The following PRUNE2 variants were observed in gnomAD, a reference collection of about 807,000 sequenced individuals.
PRUNE2 encodes the protein prune homolog 2 with BCH domain, also known as protein prune homolog 2.
PRUNE2 carries 164 observed loss-of-function variants against 252.0 expected under a neutral mutation model. The observed-to-expected ratio is 0.65, with a 90% CI of 0.57 to 0.74. The LOEUF (loss-of-function observed/expected upper bound fraction) is 0.74. Ranked by LOEUF, PRUNE2 falls within the 30% of genes least tolerant of loss-of-function variation. The pLI is 0.00. For synonymous variants in PRUNE2, 1,292 were observed against 1,350.2 expected, an observed-to-expected ratio of 0.96 and a Z score of 0.94; for missense variants, 3,495 against 3,711.0, an observed-to-expected ratio of 0.94 and a Z score of 1.51.
chr9:76,801,393 C>A (rs1427816888), intron 6 of PRUNE2, among the ~76,000 whole-genome samples: 3 of 152,128 alleles, frequency 2.0e-5, no homozygotes, highest in Non-Finnish European at 4.4e-5. Flanking sequence ...TTCAACATCC[C>A]TTAGCAGATT....
intron 12 of PRUNE2, among the ~76,000 whole-genome samples, chr9:76,638,914 T>C (rs753400814): frequency 2.6e-5 from 4 of 152,268 alleles, no homozygotes; most frequent in Non-Finnish European, 5.9e-5. Context: ...CCATGAAAAG[T>C]TCTAGCCAGG....
chr9:76,851,547 C>T (rs548806399), intron 2 of PRUNE2, among the ~76,000 whole-genome samples: 2 of 127,754 alleles, frequency 1.6e-5, no homozygotes, highest in South Asian at 2.5e-4. Context: ...GACTCTGTCT[C>T]GGAAAAAAAA....
intron 6 of PRUNE2, chr9:76,783,799 A>C (rs1589216058): frequency 6.6e-6 from 1 of 152,326 alleles, no homozygotes; most frequent in East Asian, 1.9e-4. Flanking sequence ...CAAGATGACA[A>C]TATAATGTCT....
chr9:76,733,378 G>GATTC (rs34956717), intron 6 of PRUNE2, among the ~76,000 whole-genome samples: 3,938 of 148,994 alleles, frequency 0.026, 51 homozygotes, highest in African/African-American at 0.03. Context: ...ATAAACCACA[G>GATTC]ATTCATTCAT....
chr9:76,724,663 G>C (rs571067310), intron 6 of PRUNE2, among the ~76,000 whole-genome samples: 1 of 152,298 alleles, frequency 6.6e-6, no homozygotes. Flanking sequence ...CTTACAAGCA[G>C]TTAATAATAG....
chr9:76,724,496 ACTT>A (rs1159241904), intron 6 of PRUNE2, among the ~76,000 whole-genome samples: 2 of 151,682 alleles, frequency 1.3e-5, no homozygotes, highest in South Asian at 2.1e-4. Context: ...CACAAAAAGA[ACTT>A]CTTGAAATGA....
At chr9:76,642,212 T>C in intron 12 of PRUNE2, among the ~76,000 whole-genome samples, 1 of 152,144 alleles carries the variant, frequency 6.6e-6, no homozygotes. Context: ...GATATTGCTG[T>C]TGGCTCATAG....
intron 6 of PRUNE2, among the ~76,000 whole-genome samples, chr9:76,781,488 T>C (rs2054388459): frequency 6.6e-6 from 1 of 152,244 alleles, no homozygotes; most frequent in African/African-American, 2.4e-5. Flanking sequence ...CCTAGTCCTT[T>C]CCTGGCCTAT....
At chr9:76,655,527 C>G in intron 9 of PRUNE2, 25 bp from the exon 10 acceptor site, 2 of 1,553,650 alleles carry the variant, frequency 1.3e-6, no homozygotes, top group Non-Finnish European at 1.8e-6. Flanking sequence ...AAGCAAAGCG[C>G]GTCAACAACA....
chr9:76,905,655 G>A (rs188335493), intron 1 of PRUNE2, among the ~76,000 whole-genome samples: 18 of 152,214 alleles, frequency 1.2e-4, no homozygotes, highest in East Asian at 1.9e-4. Context: ...TGCTGATTTA[G>A]GGACCGAAGC....
intron 6 of PRUNE2, among the ~76,000 whole-genome samples, chr9:76,814,740 GA>G (rs1448436945): frequency 6.6e-6 from 1 of 152,106 alleles, no homozygotes; most frequent in East Asian, 1.9e-4. Flanking sequence ...GGGGGTGGGG[GA>G]CTTAATGAAA....
intron 6 of PRUNE2, among the ~76,000 whole-genome samples, chr9:76,818,093 A>G (rs114723815): frequency 0.011 from 1,724 of 152,322 alleles, 36 homozygotes; most frequent in African/African-American, 0.038. Flanking sequence ...AATCATTCAC[A>G]TATTTTGAAA....
At chr9:76,751,263 CACACACACAG>C (rs2050589859) in intron 6 of PRUNE2, among the ~76,000 whole-genome samples, 1 of 151,084 alleles carries the variant, frequency 6.6e-6, no homozygotes, top group African/African-American at 2.4e-5. Flanking sequence ...CACACACACA[CACACACACAG>C]ACACACACAC....
chr9:76,830,980 A>T (rs2058639156), intron 4 of PRUNE2, among the ~76,000 whole-genome samples: 1 of 148,562 alleles, frequency 6.7e-6, no homozygotes, highest in South Asian at 2.1e-4. Flanking sequence ...CCCAGGCTGG[A>T]GTGCAGTTGC....
intron 6 of PRUNE2, among the ~76,000 whole-genome samples, chr9:76,797,360 G>GT (rs2056188555): frequency 6.6e-6 from 1 of 152,096 alleles, no homozygotes; most frequent in Admixed American, 6.5e-5. Flanking sequence ...GGTGATGATA[G>GT]TCAAGGGTGA....
At chr9:76,739,658 T>C (rs1316331700) in intron 6 of PRUNE2, 3 of 152,022 alleles carry the variant, frequency 2.0e-5, no homozygotes, top group African/African-American at 7.2e-5. Context: ...TCAAAATATA[T>C]AAAGAGGGAT....
In PRUNE2 at chr9:76,875,172, C is replaced by G. The variant is rs866673383; in HGVS notation, c.37-20964G>C. Among the ~76,000 whole-genome samples, 99 of 152,158 alleles carry G rather than the reference C, an allele frequency of 6.5e-4. No individual in the cohort carries two copies. In the Middle Eastern group the frequency reaches 0.027, roughly 42 times the overall value. On this transcript the variant is annotated intron_variant, in intron 1 of 18. Transcript: ENST00000376718. ...TAGACGTCCCTTCCCCATTGTCTGCCCAGAGAACTGTGACTCTTCTTTCAA... is the reference window on the plus strand; with the variant it reads ...TAGACGTCCCTTCCCCATTGTCTGCGCAGAGAACTGTGACTCTTCTTTCAA...
At chr9:76,685,807 A>G (rs1490493371) in intron 9 of PRUNE2, among the ~76,000 whole-genome samples, 9 of 152,176 alleles carry the variant, frequency 5.9e-5, no homozygotes, top group Non-Finnish European at 1.3e-4. Context: ...AAAGTATCAG[A>G]TCTTCACCGG....
intron 9 of PRUNE2, among the ~76,000 whole-genome samples, chr9:76,677,567 G>A (rs1170535968): frequency 6.6e-6 from 1 of 152,220 alleles, no homozygotes; most frequent in Non-Finnish European, 1.5e-5. Flanking sequence ...GACATTTGCT[G>A]AATAAACAGA....
Sources: allele counts gnomAD v4.1 joint callset (sites outside exome capture counted in the v4.1 genomes callset), GRCh38; gene constraint gnomAD v4.1.1; transcripts MANE v1.5; gene names NCBI Gene and HGNC (gene_info 2026-07-23, HGNC 2026-07-21).